DGCR8: variants seen among roughly 807,000 people sequenced by gnomAD.
The protein encoded by DGCR8 is microprocessor complex subunit DGCR8.
Under a neutral mutation model 78.5 loss-of-function variants are expected in DGCR8, and 14 were observed. The ratio of observed to expected loss-of-function variants is 0.18; its 90% CI spans 0.12 to 0.28. The LOEUF is 0.28. Ranked by LOEUF, DGCR8 falls within the 10% of genes least tolerant of loss-of-function variation. DGCR8 has a pLI of 1.00. For synonymous variants in DGCR8, 399 were observed against 402.4 expected (o/e 0.99, Z 0.10); for missense variants, 702 against 1,022.5 (o/e 0.69, Z 4.28).
intron 9 of DGCR8, chr22:20,100,276 AG>A (rs1268377993): frequency 1.2e-6 from 1 of 837,066 alleles, no homozygotes; most frequent in Non-Finnish European, 1.4e-6. Flanking sequence ...CGTGTTGGCC[AG>A]GATGGTCTCT....
rs1383356849 is a variant in DGCR8, at chr22:20,107,213, C to T, written c.1997-58C>T. The stretch of plus-strand genomic sequence containing the variant: ...CAGGAGGGCTGGGAGCGGCAGGGGG[C>T]CCCATGAGCACTGGGTGTTTGTGAC... On this transcript the variant is annotated intron_variant, in intron 11 of 13. Transcript: ENST00000351989. 6.2e-6 allele frequency: 10 copies of T among 1,607,432 alleles called. No individual in the cohort carries two copies. In the East Asian group the frequency reaches 2.2e-4, roughly 36 times the overall value.
Position 20,087,143 on chromosome 22 carries a change from T to C in DGCR8, c.721-19T>C. 1 of 1,598,860 alleles carries C rather than the reference T, an allele frequency of 6.3e-7. No individual in the cohort carries two copies. The highest frequency in any genetic ancestry group is 8.5e-7 in the Non-Finnish European group (1 of 1,170,016). ...CATGAGCGCCAGGGGCTCTGGTGTC[T>C]GAACAGCGTGTTTTGCAGGATGACT... On this transcript the variant is annotated intron_variant, in intron 2 of 13. Transcript: ENST00000351989. This position sits in a 1 kb window ranked among gnomAD's most constrained non-coding sequence, Gnocchi z 4.1.
chr22:20,095,701 C>T (rs910535294), intron 9 of DGCR8, among the ~76,000 whole-genome samples: 2 of 152,164 alleles, frequency 1.3e-5, no homozygotes, highest in African/African-American at 4.8e-5. Flanking sequence ...CAGGATGACT[C>T]AAGCACATCA....
At chr22:20,108,593 C>T (rs975525921) in intron 12 of DGCR8, 9 of 310,466 alleles carry the variant, frequency 2.9e-5, no homozygotes, top group Non-Finnish European at 5.1e-5. Flanking sequence ...CTGGGCACCA[C>T]GAGCACCTCA....
chr22:20,101,802 C>A, intron 9 of DGCR8: 4 of 985,338 alleles, frequency 4.1e-6, no homozygotes, highest in Non-Finnish European at 4.8e-6. Context: ...GGTGCCAACA[C>A]CTGTCCTTGG....
chr22:20,095,571 T>G (rs1040028666), intron 9 of DGCR8, among the ~76,000 whole-genome samples: 1 of 152,168 alleles, frequency 6.6e-6, no homozygotes, highest in Non-Finnish European at 1.5e-5. Flanking sequence ...AACAATTGAT[T>G]AATACATATT....
chr22:20,090,331 AATT>A (rs1189826781), intron 5 of DGCR8, 73 bp downstream of exon 5: 1 of 1,488,784 alleles, frequency 6.7e-7, no homozygotes, highest in African/African-American at 1.4e-5. Context: ...TGAAGGCCAT[AATT>A]GTTCATAGTT....
chr22:20,080,547 A>G (rs1401827442), intron 1 of DGCR8, 164 bp downstream of exon 1: 3 of 927,806 alleles, frequency 3.2e-6, no homozygotes, highest in Non-Finnish European at 3.9e-6. Flanking sequence ...GGCGGTGGAG[A>G]GCGCGGGGTG....
At chr22:20,108,775 C>CTGCCAGACCCTGGGCGCGCTTACCT (rs2049799879) in intron 12 of DGCR8, 115 bp from the exon 13 acceptor site, 1 of 202,652 alleles carries the variant, frequency 4.9e-6, no homozygotes. Flanking sequence ...TGTTTCGTGT[C>CTGCCAGACCCTGGGCGCGCTTACCT]TGCCAGACCC....
chr22:20,094,930 C>T, intron 9 of DGCR8, 135 bp downstream of exon 9: 1 of 677,470 alleles, frequency 1.5e-6, no homozygotes, highest in Non-Finnish European at 2.6e-6. Context: ...ATCCAGCCTC[C>T]AGGTTCTTCT....
chr22:20,101,941 T>C (rs2049707547), intron 9 of DGCR8: 1 of 985,290 alleles, frequency 1.0e-6, no homozygotes, highest in African/African-American at 1.7e-5. Flanking sequence ...TGTATGCTAC[T>C]TGATTAAAAA....
intron 12 of DGCR8, 170 bp downstream of exon 12, chr22:20,107,568 C>A: frequency 1.4e-6 from 1 of 705,906 alleles, no homozygotes; most frequent in Non-Finnish European, 2.3e-6. Flanking sequence ...GTCGTCCCAG[C>A]TACATCTCCT....
intron 9 of DGCR8, among the ~76,000 whole-genome samples, chr22:20,099,804 T>C (rs1186844061): frequency 6.6e-6 from 1 of 152,232 alleles, no homozygotes; most frequent in Non-Finnish European, 1.5e-5. Context: ...GGTGCTGTTA[T>C]AAAATATGGT....
At chr22:20,084,619 A>G (rs1257690890) in intron 1 of DGCR8, among the ~76,000 whole-genome samples, 1 of 151,924 alleles carries the variant, frequency 6.6e-6, no homozygotes, top group Non-Finnish European at 1.5e-5. Context: ...TGGCCTCGGC[A>G]CCTTCAGAGC....
intron 9 of DGCR8, among the ~76,000 whole-genome samples, chr22:20,103,717 T>C (rs538982828): frequency 4.6e-5 from 7 of 152,338 alleles, no homozygotes; most frequent in South Asian, 2.1e-4. Context: ...AGGACAGATA[T>C]AGGATTGGTA....
At chr22:20,092,047 T>C (rs942123457) in intron 7 of DGCR8, 77 bp downstream of exon 7, 6 of 1,132,238 alleles carry the variant, frequency 5.3e-6, no homozygotes, top group Non-Finnish European at 7.8e-6. Flanking sequence ...AGGCAGGCGC[T>C]GACCGCTAGC....
At position 20,110,480 on chromosome 22, in the gene DGCR8, T is replaced by A. The variant is rs1358202865; in HGVS notation, c.*372T>A. On this transcript the variant is annotated 3_prime_UTR_variant, in exon 14 of 14. Transcript: ENST00000351989. The stretch of plus-strand genomic sequence containing the variant: ...GCACTGACGACACATGATGCTTGGA[T>A]GACAGATGAGAGGGGATGGCTGAGT... The A allele has an allele frequency of 5.5e-6, 1 of 181,178 alleles. No individual in the cohort carries two copies. Among genetic ancestry groups the A allele is most frequent in the Non-Finnish European group, 1.2e-5 (1 of 86,634 alleles). 11.2% of individuals were successfully genotyped at this position (181,178 alleles called of 1,614,324 possible).
chr22:20,111,101 T>G lies in DGCR8; in HGVS notation c.*993T>G. ...ATTCTTGATCCAGAGCTGTTGCCTGTGACAGCGGTTTCTCTGGATGTCAAA... is the reference window on the plus strand; with the variant it reads ...ATTCTTGATCCAGAGCTGTTGCCTGGGACAGCGGTTTCTCTGGATGTCAAA... On this transcript the variant is annotated 3_prime_UTR_variant, in exon 14 of 14. Coordinates refer to ENST00000351989, the MANE Select transcript of DGCR8 (RefSeq NM_022720.7). 5.0e-6 allele frequency: 2 copies of G among 398,254 alleles called. No individual in the cohort carries two copies. The highest frequency in any genetic ancestry group is 8.8e-6 in the Non-Finnish European group (2 of 226,054). 24.7% of individuals were successfully genotyped at this position (398,254 alleles called of 1,614,324 possible). A position where few individuals can be genotyped will look rare whatever the true frequency, so the allele number is the denominator to read the frequency against.
chr22:20,109,256 G>C (rs528232984), intron 13 of DGCR8: 1 of 395,770 alleles, frequency 2.5e-6, no homozygotes, highest in African/African-American at 2.1e-5. Context: ...TCACAGTCTT[G>C]GTGGGCCACC....
Sources: allele counts gnomAD v4.1 joint callset (sites outside exome capture counted in the v4.1 genomes callset), GRCh38; gene constraint gnomAD v4.1.1; non-coding constraint Gnocchi (gnomAD v3.1); transcripts MANE v1.5; gene names NCBI Gene and HGNC (gene_info 2026-07-23, HGNC 2026-07-21).